GLI3: variants seen among roughly 807,000 people sequenced by gnomAD.
GLI3 encodes the protein GLI family zinc finger 3, also known as transcription activator GLI3.
Under a neutral mutation model 100.8 loss-of-function variants are expected in GLI3, and 20 were observed. The ratio of observed to expected loss-of-function variants is 0.20; its 90% CI spans 0.14 to 0.29. The LOEUF (loss-of-function observed/expected upper bound fraction) is 0.29, where lower values mean the gene tolerates loss of function less well. Ranked by LOEUF, GLI3 falls within the 10% of genes least tolerant of loss-of-function variation. The pLI is 1.00. For synonymous variants in GLI3, 938 were observed against 860.5 expected (o/e 1.09, Z -1.58); for missense variants, 2,040 against 2,128.5 (o/e 0.96, Z 0.82).
chr7:42,005,525 C>T (rs1323604984), intron 10 of GLI3, among the ~76,000 whole-genome samples: 6 of 150,108 alleles, frequency 4.0e-5, no homozygotes, highest in African/African-American at 1.5e-4. Context: ...GGATGGACCT[C>T]CTCTAAATTT....
chr7:41,977,735 G>T lies in GLI3; in HGVS notation c.1648-13C>A. ...TGCAACCTTCAAACTGAGGACAACA[G>T]GTAAATCTGGATTACTCTGCACAAT... On this transcript the variant is annotated splice_polypyrimidine_tract_variant and intron_variant, in intron 11 of 14. Transcript: ENST00000395925. 6.2e-7 allele frequency: 1 copy of T among 1,612,894 alleles called. No individual in the cohort carries two copies. Among genetic ancestry groups the T allele is most frequent in the Non-Finnish European group, 8.5e-7 (1 of 1,178,840 alleles).
At position 41,963,019 on chromosome 7, in the gene GLI3, A is replaced by G. The variant is rs1243739476; in HGVS notation, c.*1311T>C. 1 of 152,258 alleles carries G rather than the reference A, an allele frequency of 6.6e-6. No homozygotes were observed. The highest frequency in any genetic ancestry group is 1.5e-5 in the Non-Finnish European group (1 of 68,052). 9.4% of individuals were successfully genotyped at this position (152,258 alleles called of 1,614,324 possible). ...AAATGTTTTAATCCAAAACAAAAGT[A>G]CAGATCCAGTCCACATTAAGGACTA... is the stretch of plus-strand genomic sequence containing the variant. On this transcript the variant is annotated 3_prime_UTR_variant, in exon 15 of 15. Coordinates refer to ENST00000395925, the MANE Select transcript of GLI3 (RefSeq NM_000168.6).
chr7:42,260,017 GA>G (rs1338870147), intron 1 of GLI3, among the ~76,000 whole-genome samples: 17 of 152,270 alleles, frequency 1.1e-4, no homozygotes, highest in Admixed American at 9.8e-4. Flanking sequence ...AAACAACTAG[GA>G]AATTTACCAT....
chr7:42,029,230 G>C (rs552119437), intron 7 of GLI3, among the ~76,000 whole-genome samples: 3 of 152,202 alleles, frequency 2.0e-5, no homozygotes, highest in African/African-American at 7.2e-5. Flanking sequence ...GGGACTGTGC[G>C]CAGGAAGGCT....
Position 41,972,521 on chromosome 7 carries a change from T to C in GLI3, c.1919A>G (p.Lys640Arg), listed in dbSNP as rs1583741915. 1 of 1,613,260 alleles carries C rather than the reference T, an allele frequency of 6.2e-7. No homozygotes were observed. Among genetic ancestry groups the C allele is most frequent in the South Asian group, 1.1e-5 (1 of 91,064 alleles). ...TVHGPEAHVT[K>R]KQRGDIHPRP... ...AGGATGGATGTCCCCTCGCTGCTTC[T>C]TGGTGACATGAGCCTCTGGGCCATG... Residue 640 changes from lysine (K) to arginine (R), a missense_variant, in exon 13 of 15, where the codon AAG becomes AGG. By Grantham distance (26) the Lys-to-Arg change is conservative. This residue lies in a region of GLI3 where 61 missense variants were observed against 150.9 expected (regional missense o/e 0.40). Coordinates refer to ENST00000395925, the MANE Select transcript of GLI3 (RefSeq NM_000168.6). The surrounding 1 kb of genome is among the most constrained non-coding windows in gnomAD (Gnocchi z 4.4).
intron 13 of GLI3, among the ~76,000 whole-genome samples, chr7:41,969,986 C>A (rs1787323899): frequency 6.6e-6 from 1 of 152,168 alleles, no homozygotes; most frequent in Non-Finnish European, 1.5e-5. Context: ...ACATTTTTCA[C>A]ATGCTGAATG....
chr7:42,039,907 G>A (rs1784096524), intron 7 of GLI3, 131 bp downstream of exon 7: 3 of 742,982 alleles, frequency 4.0e-6, no homozygotes, highest in South Asian at 3.0e-5. Flanking sequence ...CTGCCTCTTG[G>A]TATAGGCACA....
chr7:42,153,922 A>G (rs1786938080), intron 2 of GLI3, among the ~76,000 whole-genome samples: 1 of 152,108 alleles, frequency 6.6e-6, no homozygotes, highest in South Asian at 2.1e-4. Flanking sequence ...CTCAGAAACT[A>G]GCCGTCATGT....
intron 3 of GLI3, among the ~76,000 whole-genome samples, chr7:42,145,097 A>G (rs1786669921): frequency 6.6e-6 from 1 of 152,260 alleles, no homozygotes; most frequent in Admixed American, 6.5e-5. Flanking sequence ...TGGAAAATTT[A>G]TCACCTTCAA....
chr7:41,966,315 T>C lies in GLI3; in HGVS notation c.2758A>G (p.Ser920Gly), dbSNP rs1204440267. ...CGGTACTGCTGGGCGGGCGTGAGGC[T>C]GAGCAGGCTGGGCAGGCCGTCGCTC... The part of the protein sequence containing the change: ...SQSDGLPSLL[S>G]LTPAQQYRLK... The change falls in exon 15 of 15, where the codon AGC becomes GGC. Residue 920 changes from serine (S) to glycine (G), a missense_variant. Coordinates refer to ENST00000395925, the MANE Select transcript of GLI3 (RefSeq NM_000168.6). The surrounding 1 kb of genome is among the most constrained non-coding windows in gnomAD (Gnocchi z 5.8). 4.4e-6 allele frequency: 7 copies of C among 1,607,798 alleles called. No individual in the cohort carries two copies. The highest frequency in any genetic ancestry group is 1.3e-5 in the African/African-American group (1 of 74,902).
At chr7:42,024,343 A>T (rs1789038267) in intron 9 of GLI3, among the ~76,000 whole-genome samples, 1 of 152,198 alleles carries the variant, frequency 6.6e-6, no homozygotes, top group Non-Finnish European at 1.5e-5. Context: ...CCAGGGCTAG[A>T]TGATAAAAGC....
chr7:42,141,533 G>A (rs568497812), intron 3 of GLI3, among the ~76,000 whole-genome samples: 3 of 152,080 alleles, frequency 2.0e-5, no homozygotes, highest in Admixed American at 6.5e-5. Flanking sequence ...TTAGCCAGGC[G>A]AGGTGGCACA....
At position 42,130,449 on chromosome 7, in the gene GLI3, G is replaced by A. The variant is rs188743745; in HGVS notation, c.367+17777C>T. ...AGAAAGCATTACATACAAAAGGCAA[G>A]AGCAAGATGTTAAGAAGAAGTTTCA... On this transcript the variant is annotated intron_variant, in intron 3 of 14. Transcript: ENST00000395925. Among the ~76,000 whole-genome samples the A allele has an allele frequency of 2.5e-3, 377 of 152,298 alleles. 2 individuals are homozygous for A. Among genetic ancestry groups the A allele is most frequent in the Middle Eastern group, 0.017 (5 of 294 alleles).
chr7:42,105,023 C>T lies in GLI3; in HGVS notation c.368-28166G>A, dbSNP rs549456931. ...ATTAAGACTGTGATACTGCCAGGAA[C>T]TTTGATAATTATTATCTGAATTTAT... On this transcript the variant is annotated intron_variant, in intron 3 of 14. Coordinates refer to ENST00000395925, the MANE Select transcript of GLI3 (RefSeq NM_000168.6). Among the ~76,000 whole-genome samples, 6 of 152,318 alleles carry T rather than the reference C, an allele frequency of 3.9e-5. No individual in the cohort carries two copies. In the East Asian group the frequency reaches 9.7e-4, roughly 25 times the overall value.
intron 7 of GLI3, among the ~76,000 whole-genome samples, chr7:42,029,784 G>A (rs896171517): frequency 1.3e-5 from 2 of 151,970 alleles, no homozygotes; most frequent in Admixed American, 6.6e-5. Flanking sequence ...CCATCAAAAC[G>A]AGGCCCCTCT....
intron 10 of GLI3, among the ~76,000 whole-genome samples, chr7:41,997,567 T>C (rs559854154): frequency 6.6e-6 from 1 of 152,330 alleles, no homozygotes; most frequent in African/African-American, 2.4e-5. Flanking sequence ...AATTTAAAAA[T>C]AAAGAGAGAA....
intron 2 of GLI3, among the ~76,000 whole-genome samples, chr7:42,172,166 G>A (rs946102013): frequency 6.6e-6 from 1 of 152,026 alleles, no homozygotes; most frequent in African/African-American, 2.4e-5. Context: ...CTGTACGTAG[G>A]CCCGTTATCT....
At chr7:41,968,480 T>A (rs1246852481) in intron 13 of GLI3, among the ~76,000 whole-genome samples, 1 of 152,048 alleles carries the variant, frequency 6.6e-6, no homozygotes, top group Non-Finnish European at 1.5e-5. Context: ...ATGTAAGATA[T>A]GCGCCATCAG....
chr7:42,050,201 T>C (rs997295678), intron 4 of GLI3, among the ~76,000 whole-genome samples: 1 of 152,228 alleles, frequency 6.6e-6, no homozygotes, highest in Non-Finnish European at 1.5e-5. Flanking sequence ...AGGCTTTTTA[T>C]TTGTTACTTA....
Sources: gnomAD v4.1 joint callset for allele counts (sites outside exome capture counted in the v4.1 genomes callset) on GRCh38, gnomAD v4.1.1 for gene constraint, gnomAD v4.1.1 regional missense constraint, Gnocchi (gnomAD v3.1) non-coding constraint, MANE v1.5 for transcripts, NCBI Gene and HGNC (gene_info 2026-07-23, HGNC 2026-07-21) for gene names.